FBXO3: variants seen among roughly 807,000 people sequenced by gnomAD.
FBXO3 encodes F-box only protein 3.
Under a neutral mutation model 64.8 loss-of-function variants are expected in FBXO3, and 17 were observed. That is an observed-to-expected ratio of 0.26 (90% CI 0.18 to 0.39). The LOEUF is 0.39. FBXO3 is among the 10% of genes least tolerant of loss of function. The probability of loss-of-function intolerance (pLI) is 1.00; values close to 1 mark genes in which losing one functional copy is unlikely to be tolerated. For synonymous variants in FBXO3, 182 were observed against 201.6 expected (o/e 0.90, Z 0.82); for missense variants, 420 against 589.9 (o/e 0.71, Z 2.98).
At chr11:33,769,565 G>C (rs867539170) in intron 2 of FBXO3, among the ~76,000 whole-genome samples, 2 of 152,168 alleles carry the variant, frequency 1.3e-5, no homozygotes, top group Admixed American at 1.3e-4. Flanking sequence ...AAAAAGGTAA[G>C]AGTCTAACCA....
At chr11:33,772,535 A>G (rs1369305062) in intron 1 of FBXO3, 1 of 152,274 alleles carries the variant, frequency 6.6e-6, no homozygotes, top group East Asian at 1.9e-4. Flanking sequence ...GCTGTTGAAC[A>G]GTACCGTTCA....
chr11:33,764,763 C>T (rs779273782), intron 3 of FBXO3, among the ~76,000 whole-genome samples: 2 of 152,104 alleles, frequency 1.3e-5, no homozygotes, highest in African/African-American at 4.8e-5. Flanking sequence ...CACTTGTGGT[C>T]AAGAGTTCAA....
chr11:33,774,151 G>C, intron 1 of FBXO3: 1 of 458,872 alleles, frequency 2.2e-6, no homozygotes, highest in Non-Finnish European at 3.9e-6. Context: ...CGAGGCCTGG[G>C]AGAGAGATAT....
At chr11:33,746,383 T>C in intron 10 of FBXO3, 1 of 368,280 alleles carries the variant, frequency 2.7e-6, no homozygotes, top group East Asian at 4.0e-5. Flanking sequence ...AAAGTCTCAT[T>C]ATCATCCTTC....
At chr11:33,742,540 G>A (rs1854711835) in intron 10 of FBXO3, 1 of 152,964 alleles carries the variant, frequency 6.5e-6, no homozygotes, top group Admixed American at 6.5e-5. Context: ...GTAATTCACA[G>A]AAGGTAGCAA....
At chr11:33,766,891 T>C (rs1252729757) in intron 3 of FBXO3, among the ~76,000 whole-genome samples, 2 of 151,372 alleles carry the variant, frequency 1.3e-5, no homozygotes, top group East Asian at 1.9e-4. Flanking sequence ...GAACTGGCAC[T>C]GTGGAGTAAA....
At chr11:33,747,008 CT>C in intron 10 of FBXO3, 121 bp downstream of exon 10, 1 of 1,502,870 alleles carries the variant, frequency 6.7e-7, no homozygotes. Flanking sequence ...CCCCAAGATA[CT>C]TTCTCAAAAT....
intron 1 of FBXO3, chr11:33,771,357 G>A (rs1449643205): frequency 2.0e-5 from 3 of 152,152 alleles, no homozygotes; most frequent in Non-Finnish European, 4.4e-5. Context: ...ACCTATAGAG[G>A]GTGCCTGAAT....
chr11:33,762,572 T>G (rs181891357), intron 3 of FBXO3, among the ~76,000 whole-genome samples: 231 of 151,798 alleles, frequency 1.5e-3, no homozygotes, highest in Non-Finnish European at 2.8e-3. Flanking sequence ...ATCAAAGAAA[T>G]CAGAAAATAC....
At chr11:33,757,552 T>G (rs1590574678) in intron 4 of FBXO3, among the ~76,000 whole-genome samples, 1 of 126,796 alleles carries the variant, frequency 7.9e-6, no homozygotes, top group African/African-American at 3.0e-5. Flanking sequence ...GGCACAGTGG[T>G]ATATGCTTGT....
At chr11:33,759,395 A>T (rs948305002) in intron 3 of FBXO3, among the ~76,000 whole-genome samples, 1 of 152,214 alleles carries the variant, frequency 6.6e-6, no homozygotes, top group Non-Finnish European at 1.5e-5. Flanking sequence ...ACAGGGCTAG[A>T]GGGCAAAACA....
At chr11:33,752,050 C>T (rs1211825159) in intron 6 of FBXO3, among the ~76,000 whole-genome samples, 1 of 152,214 alleles carries the variant, frequency 6.6e-6, no homozygotes, top group Non-Finnish European at 1.5e-5. Flanking sequence ...GACTCAAGCA[C>T]AAAATTTTGG....
In FBXO3 at chr11:33,750,624, C is replaced by G. The variant is rs747313210; in HGVS notation, c.847G>C (p.Asp283His). ...GATGTGGAAACTGACACAGTAATAT[C>G]CCCAGTTGTTGCTACACATTCTGGA... is the stretch of plus-strand genomic sequence containing the variant. ...HDPECVATTG[D>H]ITVSVSTSFL... is the part of the protein sequence containing the mutation. The change falls in exon 8 of 11, where the codon GAT becomes CAT. Residue 283 changes from aspartate (D) to histidine (H), a missense_variant. By Grantham distance (81) the Asp-to-His change is moderately conservative. This residue lies in a region of FBXO3 where 337 missense variants were observed against 518.4 expected (regional missense o/e 0.65). Transcript: ENST00000265651. The G allele has an allele frequency of 6.2e-7, 1 of 1,613,578 alleles. No individual in the cohort carries two copies. Among genetic ancestry groups the G allele is most frequent in the South Asian group, 1.1e-5 (1 of 91,056 alleles).
At position 33,770,746 on chromosome 11, in the gene FBXO3, T is replaced by C. The variant is rs1213921170; in HGVS notation, c.189A>G (p.Ile63Met). Residue 63 changes from isoleucine (I) to methionine (M), a missense_variant, in exon 2 of 11, where the codon ATA (isoleucine) becomes ATG (methionine). Ile to Met is a conservative substitution (Grantham distance 10). This residue lies in a region of FBXO3 where 337 missense variants were observed against 518.4 expected (regional missense o/e 0.65). Coordinates refer to ENST00000265651, the MANE Select transcript of FBXO3 (RefSeq NM_012175.4). ...CATATTCCTCGAATACTCACTCAGA[T>C]ATCAGCCAGTATTTTTTGCAATGTC... Reference protein sequence around the residue: ...WRRHCKKYWLISEEEKTQKNQ... With the variant: ...WRRHCKKYWLMSEEEKTQKNQ... 6.2e-7 allele frequency: 1 copy of C among 1,610,332 alleles called. No individual in the cohort carries two copies. Among genetic ancestry groups the C allele is most frequent in the African/African-American group, 1.3e-5 (1 of 75,024 alleles).
In FBXO3 at chr11:33,750,735, C is replaced by A; in HGVS notation, c.810-74G>T. 2.2e-6 allele frequency: 3 copies of A among 1,370,390 alleles called. No individual in the cohort carries two copies. The Middle Eastern group carries it at 5.6e-4, about 254-fold the overall frequency. The allele number at this position is 1,370,390 out of a possible 1,614,324, so 84.9% of individuals were successfully genotyped here. A position where few individuals can be genotyped will look rare whatever the true frequency, so the allele number is the denominator to read the frequency against. On this transcript the variant is annotated intron_variant, in intron 7 of 10. Coordinates refer to ENST00000265651, the MANE Select transcript of FBXO3 (RefSeq NM_012175.4). Reference sequence around the variant, plus strand: ...AAGATACGATGCAAAATAGGTTATACTTTAGGACAAAAAATTTAAATCATA... The same window carrying A: ...AAGATACGATGCAAAATAGGTTATAATTTAGGACAAAAAATTTAAATCATA...
At chr11:33,751,065 T>A (rs1192088338) in intron 7 of FBXO3, among the ~76,000 whole-genome samples, 1 of 152,214 alleles carries the variant, frequency 6.6e-6, no homozygotes, top group Admixed American at 6.5e-5. Context: ...CTCTAATGTA[T>A]AATCAATCTA....
intron 6 of FBXO3, among the ~76,000 whole-genome samples, chr11:33,752,948 C>T (rs1855000556): frequency 6.6e-6 from 1 of 152,094 alleles, no homozygotes; most frequent in African/African-American, 2.4e-5. Flanking sequence ...AAGATGAGGA[C>T]AGACTAGGCA....
At chr11:33,769,877 G>A (rs1293632729) in intron 2 of FBXO3, among the ~76,000 whole-genome samples, 1 of 144,926 alleles carries the variant, frequency 6.9e-6, no homozygotes. Context: ...TTTTTTTGCG[G>A]GGGTAGAAGA....
chr11:33,747,712 A>G (rs1468838985), intron 9 of FBXO3, among the ~76,000 whole-genome samples: 2 of 152,074 alleles, frequency 1.3e-5, no homozygotes, highest in African/African-American at 4.8e-5. Flanking sequence ...GGGTTTTGCC[A>G]CATTGGCCAG....
Sources: allele counts gnomAD v4.1 joint callset (sites outside exome capture counted in the v4.1 genomes callset), GRCh38; gene constraint gnomAD v4.1.1; regional missense constraint gnomAD v4.1.1; transcripts MANE v1.5; gene names NCBI Gene and HGNC (gene_info 2026-07-23, HGNC 2026-07-21).